The following TTC3 variants were observed in gnomAD, a reference collection of about 807,000 sequenced individuals.
TTC3 encodes the protein E3 ubiquitin-protein ligase TTC3.
Under a neutral mutation model 249.6 loss-of-function variants are expected in TTC3, and 180 were observed. The observed-to-expected ratio is 0.72, with a 90% CI of 0.64 to 0.82. The LOEUF (loss-of-function observed/expected upper bound fraction) is 0.82. TTC3 is among the 40% of genes least tolerant of loss of function. TTC3 has a pLI of 0.00. For synonymous variants in TTC3, 717 were observed against 805.0 expected, an observed-to-expected ratio of 0.89 and a Z score of 1.85; for missense variants, 2,061 against 2,398.4, an observed-to-expected ratio of 0.86 and a Z score of 2.94.
intron 21 of TTC3, among the ~76,000 whole-genome samples, chr21:37,145,343 T>G (rs1333293697): frequency 6.6e-6 from 1 of 152,216 alleles, no homozygotes; most frequent in Non-Finnish European, 1.5e-5. Context: ...AATAGACATT[T>G]CTGCAACGAA....
At chr21:37,093,731 A>AC (rs2073595416) in intron 7 of TTC3, among the ~76,000 whole-genome samples, 3 of 152,086 alleles carry the variant, frequency 2.0e-5, no homozygotes, top group Admixed American at 6.5e-5. Context: ...TAATATAATA[A>AC]TAAATAAAGG....
chr21:37,172,573 T>C lies in TTC3; in HGVS notation c.4468-22T>C, dbSNP rs1450537955. 3.1e-6 allele frequency: 5 copies of C among 1,599,882 alleles called. No homozygotes were observed. The African/African-American group carries it at 5.4e-5, about 17-fold the overall frequency. The stretch of plus-strand genomic sequence containing the variant: ...GGCATTTTAAATGATTTTTAATAGA[T>C]TGTTTTGTAATTCACTTTTAGGGGG... On this transcript the variant is annotated intron_variant, in intron 34 of 45. Transcript: ENST00000355666.
intron 30 of TTC3, among the ~76,000 whole-genome samples, chr21:37,161,680 G>A (rs1226485401): frequency 6.6e-6 from 1 of 152,180 alleles, no homozygotes; most frequent in Non-Finnish European, 1.5e-5. Context: ...AACAGTTAAG[G>A]AGTTCCAATA....
At chr21:37,147,650 T>C (rs1392632743) in intron 22 of TTC3, 47 bp downstream of exon 22, 1 of 1,562,058 alleles carries the variant, frequency 6.4e-7, no homozygotes, top group Non-Finnish European at 8.6e-7. Context: ...AAATCATTTC[T>C]TAAAATGGGC....
chr21:37,131,290 G>GGA (rs990901712), intron 16 of TTC3, among the ~76,000 whole-genome samples: 2 of 152,148 alleles, frequency 1.3e-5, no homozygotes, highest in Non-Finnish European at 2.9e-5. Flanking sequence ...TGACCTCCAA[G>GGA]GAGAGGAGGG....
chr21:37,165,482 T>A (rs2081166079), intron 32 of TTC3, 68 bp from the exon 33 acceptor site: 2 of 1,248,870 alleles, frequency 1.6e-6, no homozygotes, highest in South Asian at 3.0e-5. Context: ...AGAATAAAAG[T>A]TTTTTTCAAA....
intron 35 of TTC3, among the ~76,000 whole-genome samples, chr21:37,175,099 C>CAAA (rs11375399): frequency 8.8e-4 from 114 of 130,092 alleles, no homozygotes; most frequent in African/African-American, 3.0e-3. Context: ...ACTAAAAATA[C>CAAA]AAAAAAAAAA....
chr21:37,151,717 A>T (rs895606805), intron 25 of TTC3, among the ~76,000 whole-genome samples, 176 bp from the exon 26 acceptor site: 1 of 152,206 alleles, frequency 6.6e-6, no homozygotes, highest in Non-Finnish European at 1.5e-5. Flanking sequence ...TTTTGTTTTC[A>T]TGAAACAAGT....
chr21:37,165,512 C>A (rs1047040736), intron 32 of TTC3, 38 bp from the exon 33 acceptor site: 15 of 1,494,538 alleles, frequency 1.0e-5, no homozygotes, highest in Non-Finnish European at 1.4e-5. Flanking sequence ...TCAAGTACTT[C>A]CTTATAGTAA....
At chr21:37,123,588 ATTC>A (rs1325883020) in intron 13 of TTC3, among the ~76,000 whole-genome samples, 1 of 152,188 alleles carries the variant, frequency 6.6e-6, no homozygotes, top group African/African-American at 2.4e-5. Flanking sequence ...GTTTTTCTGC[ATTC>A]TTGTTCAGAT....
At chr21:37,124,185 G>A in intron 13 of TTC3, among the ~76,000 whole-genome samples, 1 of 122,080 alleles carries the variant, frequency 8.2e-6, no homozygotes, top group South Asian at 2.7e-4. Context: ...GCACGATCTT[G>A]GGTCACTGAA....
intron 10 of TTC3, among the ~76,000 whole-genome samples, chr21:37,099,539 T>C (rs2074272734): frequency 6.6e-6 from 1 of 152,172 alleles, no homozygotes; most frequent in African/African-American, 2.4e-5. Context: ...ATGGTCTAAA[T>C]AGTCAATAAA....
At chr21:37,083,328 T>C in intron 1 of TTC3, 1 of 985,364 alleles carries the variant, frequency 1.0e-6, no homozygotes, top group Non-Finnish European at 1.2e-6. Context: ...ATTAGGGAAG[T>C]TGGACTTTAT....
chr21:37,144,246 AAAAAT>A (rs1464739338), intron 20 of TTC3, among the ~76,000 whole-genome samples: 1 of 151,890 alleles, frequency 6.6e-6, no homozygotes, highest in Non-Finnish European at 1.5e-5. Flanking sequence ...GTATAATAAA[AAAAAT>A]ATATATATAT....
intron 23 of TTC3, 23 bp from the exon 24 acceptor site, chr21:37,150,055 T>G (rs79993630): frequency 5.9e-6 from 4 of 674,574 alleles, no homozygotes; most frequent in Non-Finnish European, 7.5e-6. Flanking sequence ...TTTTTCTTGT[T>G]TTTTTTTTTT....
intron 25 of TTC3, 66 bp from the exon 26 acceptor site, chr21:37,151,827 A>G: frequency 6.9e-7 from 1 of 1,455,250 alleles, no homozygotes; most frequent in Non-Finnish European, 9.1e-7. Context: ...TGCTTGGAAG[A>G]TGGTTTCTAC....
At chr21:37,074,640 G>A (rs2070570100) in intron 1 of TTC3, among the ~76,000 whole-genome samples, 1 of 143,088 alleles carries the variant, frequency 7.0e-6, no homozygotes, top group Admixed American at 7.0e-5. Flanking sequence ...TTATAACTAC[G>A]ACTCTAGTTA....
intron 27 of TTC3, among the ~76,000 whole-genome samples, chr21:37,154,685 G>GT (rs373603748): frequency 4.3e-4 from 65 of 151,814 alleles, no homozygotes; most frequent in African/African-American, 1.3e-3. Context: ...TAAACCATGT[G>GT]TTTTTTTTGT....
At chr21:37,156,766 C>A in exon 28 of TTC3, 2 of 1,614,042 alleles carry the variant, frequency 1.2e-6, no homozygotes, top group Non-Finnish European at 1.7e-6. Flanking sequence ...AAACTAGACT[C>A]TATAGAAGGA....
Sources: gnomAD v4.1 joint callset for allele counts (sites outside exome capture counted in the v4.1 genomes callset) on GRCh38, gnomAD v4.1.1 for gene constraint, MANE v1.5 for transcripts, NCBI Gene and HGNC (gene_info 2026-07-23, HGNC 2026-07-21) for gene names.